LUZP2: variants seen among roughly 807,000 people sequenced by gnomAD.
The protein encoded by LUZP2 is leucine zipper protein 2.
Under a neutral mutation model 51.6 loss-of-function variants are expected in LUZP2, and 52 were observed. That is an observed-to-expected ratio of 1.01 (90% CI 0.81 to 1.27). LUZP2 has a LOEUF of 1.27. LUZP2 is among the 50% of genes most tolerant of loss of function. LUZP2 has a pLI of 0.00. For synonymous variants in LUZP2, 154 were observed against 137.3 expected, an observed-to-expected ratio of 1.12 and a Z score of -0.85; for missense variants, 436 against 395.4, an observed-to-expected ratio of 1.10 and a Z score of -0.87.
chr11:24,996,768 C>A (rs183183337), intron 9 of LUZP2, among the ~76,000 whole-genome samples: 3 of 152,084 alleles, frequency 2.0e-5, no homozygotes, highest in African/African-American at 7.2e-5. Context: ...ATCCCTCCCC[C>A]TCTCCCCACC....
intron 1 of LUZP2, among the ~76,000 whole-genome samples, chr11:24,686,403 C>T (rs564089199): frequency 7.9e-5 from 12 of 152,252 alleles, no homozygotes; most frequent in Admixed American, 5.2e-4. Context: ...CTTTGGGATA[C>T]TTCCATGCCA....
At chr11:25,000,786 G>T (rs1026130038) in intron 9 of LUZP2, among the ~76,000 whole-genome samples, 1 of 152,194 alleles carries the variant, frequency 6.6e-6, no homozygotes, top group Non-Finnish European at 1.5e-5. Flanking sequence ...TCCTTTCTCA[G>T]CAGTGAGGAG....
intron 5 of LUZP2, among the ~76,000 whole-genome samples, chr11:24,866,088 C>T (rs572191112): frequency 3.3e-5 from 5 of 150,372 alleles, no homozygotes; most frequent in Non-Finnish European, 5.9e-5. Context: ...AGATTACAGG[C>T]GTGAGTCTCC....
intron 1 of LUZP2, among the ~76,000 whole-genome samples, chr11:24,712,921 A>C (rs1857892808): frequency 6.6e-6 from 1 of 152,152 alleles, no homozygotes; most frequent in African/African-American, 2.4e-5. Context: ...AGAGTTATAT[A>C]TTTTTAACTT....
intron 1 of LUZP2, among the ~76,000 whole-genome samples, chr11:24,645,506 A>T (rs776587771): frequency 2.0e-5 from 3 of 151,976 alleles, no homozygotes; most frequent in Non-Finnish European, 2.9e-5. Context: ...CAATGGGGAA[A>T]CCTCTAACTC....
intron 1 of LUZP2, among the ~76,000 whole-genome samples, chr11:24,662,493 A>T (rs1425353376): frequency 6.6e-6 from 1 of 152,154 alleles, no homozygotes; most frequent in Non-Finnish European, 1.5e-5. Flanking sequence ...AAAATAAAAA[A>T]TGTTTGAGAT....
At chr11:24,692,125 C>T (rs1590354472) in intron 1 of LUZP2, among the ~76,000 whole-genome samples, 2 of 151,566 alleles carry the variant, frequency 1.3e-5, no homozygotes, top group East Asian at 3.9e-4. Flanking sequence ...TTGATATTCA[C>T]TATCACCCAC....
At chr11:24,810,240 G>A (rs1451976296) in intron 5 of LUZP2, among the ~76,000 whole-genome samples, 1 of 151,982 alleles carries the variant, frequency 6.6e-6, no homozygotes, top group East Asian at 1.9e-4. Context: ...TGCACACACA[G>A]GTAAATTTTA....
At chr11:24,777,280 AC>A (rs1293883073) in intron 5 of LUZP2, among the ~76,000 whole-genome samples, 37 of 152,106 alleles carry the variant, frequency 2.4e-4, no homozygotes, top group Admixed American at 3.3e-4. Context: ...GGCTTGAGCC[AC>A]CGCGCCCGGC....
At chr11:24,758,208 CA>C (rs1336173737) in intron 4 of LUZP2, among the ~76,000 whole-genome samples, 1 of 151,962 alleles carries the variant, frequency 6.6e-6, no homozygotes, top group Non-Finnish European at 1.5e-5. Flanking sequence ...TGAAGGCAAA[CA>C]TGTCTTATCT....
At chr11:24,632,104 C>T (rs1221836799) in intron 1 of LUZP2, among the ~76,000 whole-genome samples, 1 of 151,916 alleles carries the variant, frequency 6.6e-6, no homozygotes, top group Non-Finnish European at 1.5e-5. Flanking sequence ...TGTGTAATGT[C>T]ATTTCACATT....
At chr11:24,679,878 C>A (rs1856676056) in intron 1 of LUZP2, among the ~76,000 whole-genome samples, 1 of 152,182 alleles carries the variant, frequency 6.6e-6, no homozygotes, top group African/African-American at 2.4e-5. Context: ...TTTGCTGTTA[C>A]ATACTCATAA....
intron 9 of LUZP2, among the ~76,000 whole-genome samples, chr11:25,038,713 G>A (rs1857940540): frequency 6.6e-6 from 1 of 152,094 alleles, no homozygotes; most frequent in Non-Finnish European, 1.5e-5. Flanking sequence ...TGTAGGTAAG[G>A]GGACACTGGC....
intron 1 of LUZP2, among the ~76,000 whole-genome samples, chr11:24,660,785 A>G (rs1224354473): frequency 6.6e-6 from 1 of 151,970 alleles, no homozygotes. Flanking sequence ...CAATTAGGTG[A>G]TTTTTCCAAA....
intron 1 of LUZP2, among the ~76,000 whole-genome samples, chr11:24,625,365 A>G (rs1361911051): frequency 6.6e-6 from 1 of 151,826 alleles, no homozygotes; most frequent in Non-Finnish European, 1.5e-5. Flanking sequence ...AGGAAGGGAA[A>G]GGAAAGGAAG....
chr11:25,068,042 A>G (rs1314487367), intron 10 of LUZP2, among the ~76,000 whole-genome samples: 3 of 152,040 alleles, frequency 2.0e-5, no homozygotes, highest in Non-Finnish European at 2.9e-5. Context: ...GGAAACCATC[A>G]TTCTCAGCAA....
At chr11:24,962,214 C>T (rs1344048575) in intron 7 of LUZP2, among the ~76,000 whole-genome samples, 3 of 152,114 alleles carry the variant, frequency 2.0e-5, no homozygotes, top group African/African-American at 7.2e-5. Flanking sequence ...GGGAATTTGA[C>T]ATTTATGTGT....
At chr11:25,073,881 A>C (rs1859229337) in intron 10 of LUZP2, among the ~76,000 whole-genome samples, 1 of 152,160 alleles carries the variant, frequency 6.6e-6, no homozygotes, top group Non-Finnish European at 1.5e-5. Context: ...ATCCATGCTG[A>C]ATACCTGTTT....
At position 24,570,203 on chromosome 11, in the gene LUZP2, A is replaced by G. The variant is rs116752720; in HGVS notation, c.62+72898A>G. Among the ~76,000 whole-genome samples, 570 of 152,164 alleles carry G rather than the reference A, an allele frequency of 3.7e-3. 2 individuals are homozygous for G. The highest frequency in any genetic ancestry group is 0.013 in the African/African-American group (539 of 41,564). ...TTGAATCATAGACGAGAAGACGGTGATGGTACATGGTTCATTCAGTAACAC... is the reference window on the plus strand; with the variant it reads ...TTGAATCATAGACGAGAAGACGGTGGTGGTACATGGTTCATTCAGTAACAC... On this transcript the variant is annotated intron_variant, in intron 1 of 11. Transcript: ENST00000336930.
Sources: allele counts gnomAD v4.1 joint callset (sites outside exome capture counted in the v4.1 genomes callset), GRCh38; gene constraint gnomAD v4.1.1; transcripts MANE v1.5; gene names NCBI Gene and HGNC (gene_info 2026-07-23, HGNC 2026-07-21).